The following NSG2 variants were observed in gnomAD, a reference collection of about 807,000 sequenced individuals.
The protein encoded by NSG2 is neuronal vesicle trafficking associated 2, also known as neuronal vesicle trafficking-associated protein 2.
NSG2 carries 4 observed loss-of-function variants against 16.9 expected under a neutral mutation model. The ratio of observed to expected loss-of-function variants is 0.24; its 90% CI spans 0.12 to 0.54. NSG2 has a LOEUF of 0.54. NSG2 is among the 20% of genes least tolerant of loss of function. NSG2 has a pLI of 0.95. For synonymous variants in NSG2, 98 were observed against 88.7 expected (o/e 1.11, Z -0.59); for missense variants, 179 against 221.1 (o/e 0.81, Z 1.21).
chr5:174,108,906 A>C lies in NSG2; in HGVS notation c.*1401A>C, dbSNP rs1401251906. 3 of 152,774 alleles carry C rather than the reference A, an allele frequency of 2.0e-5. No individual in the cohort carries two copies. The highest frequency in any genetic ancestry group is 2.9e-5 in the Non-Finnish European group (2 of 68,062). 9.5% of individuals were successfully genotyped at this position (152,774 alleles called of 1,614,324 possible). On this transcript the variant is annotated 3_prime_UTR_variant, in exon 5 of 5. Transcript: ENST00000303177. Reference sequence around the variant, plus strand: ...TGTTGCTGAGATCATCGTATGCAACAGCTGGGTAATAAGACTAGCATAGCT... The same window carrying C: ...TGTTGCTGAGATCATCGTATGCAACCGCTGGGTAATAAGACTAGCATAGCT...
intron 2 of NSG2, among the ~76,000 whole-genome samples, chr5:174,055,098 C>T (rs1434931662): frequency 2.0e-5 from 3 of 152,128 alleles, no homozygotes; most frequent in Non-Finnish European, 4.4e-5. Context: ...ACAGGGCTAC[C>T]CCAGGCAGCA....
intron 3 of NSG2, among the ~76,000 whole-genome samples, chr5:174,070,458 C>A (rs1299180937): frequency 6.6e-6 from 1 of 152,162 alleles, no homozygotes; most frequent in African/African-American, 2.4e-5. Context: ...CTTGATGTCA[C>A]CCTGCCATTG....
chr5:174,069,250 G>T (rs1221893428), intron 3 of NSG2, among the ~76,000 whole-genome samples: 2 of 151,962 alleles, frequency 1.3e-5, no homozygotes, highest in Admixed American at 1.3e-4. Context: ...GGTTACTGGT[G>T]CTCTGAAGGT....
At chr5:174,091,644 GGTGTGTGTGTGT>G (rs35746227) in intron 3 of NSG2, among the ~76,000 whole-genome samples, 114 of 139,700 alleles carry the variant, frequency 8.2e-4, no homozygotes, top group East Asian at 6.6e-3. Flanking sequence ...AACTAGGACT[GGTGTGTGTGTGT>G]GTGTGTGTGT....
intron 3 of NSG2, 28 bp from the exon 4 acceptor site, chr5:174,104,200 T>C: frequency 6.4e-7 from 1 of 1,553,964 alleles, no homozygotes; most frequent in Non-Finnish European, 8.9e-7. Flanking sequence ...AGACTGAGGC[T>C]GGATGACTTA....
At chr5:174,085,105 A>AT (rs567604507) in intron 3 of NSG2, among the ~76,000 whole-genome samples, 36 of 152,368 alleles carry the variant, frequency 2.4e-4, no homozygotes, top group African/African-American at 8.2e-4. Flanking sequence ...GCCTCTGGCT[A>AT]TTTTAGTGGC....
chr5:174,075,545 CTGTT>C lies in NSG2; in HGVS notation c.213+11233_213+11236del, dbSNP rs146135405. On this transcript the variant is annotated intron_variant, in intron 3 of 4. Transcript: ENST00000303177. ...GTCCTCTTTTTTCTCTTTAAATACACTGTTTGGCCGAGTCCTGAAATGTGTTGAT... is the reference window on the plus strand; with the variant it reads ...GTCCTCTTTTTTCTCTTTAAATACACTGGCCGAGTCCTGAAATGTGTTGAT... 6.6e-3 allele frequency among the ~76,000 whole-genome samples: 1,012 copies of C among 152,262 alleles called. 11 individuals are homozygous for C. The highest frequency in any genetic ancestry group is 0.023 in the African/African-American group (975 of 41,532).
intron 3 of NSG2, among the ~76,000 whole-genome samples, chr5:174,090,906 T>C (rs1283761854): frequency 2.0e-5 from 3 of 152,162 alleles, no homozygotes; most frequent in Admixed American, 6.5e-5. Flanking sequence ...CATGGAGTAG[T>C]TTATCTGGCA....
intron 3 of NSG2, among the ~76,000 whole-genome samples, chr5:174,083,682 T>C (rs969611791): frequency 1.3e-5 from 2 of 152,226 alleles, no homozygotes; most frequent in Non-Finnish European, 2.9e-5. Flanking sequence ...TGGTTGCCAA[T>C]GACTTTATAG....
Position 174,108,842 on chromosome 5 carries a change from C to G in NSG2, c.*1337C>G, listed in dbSNP as rs1169398730. On this transcript the variant is annotated 3_prime_UTR_variant, in exon 5 of 5. Coordinates refer to ENST00000303177, the MANE Select transcript of NSG2 (RefSeq NM_015980.5). Reference sequence around the variant, plus strand: ...GTGGTACTGCTTCCTCACAAGTCTCCCACAGGCCATGTAAAGGGTATTTTT... The same window carrying G: ...GTGGTACTGCTTCCTCACAAGTCTCGCACAGGCCATGTAAAGGGTATTTTT... 1 of 152,806 alleles carries G rather than the reference C, an allele frequency of 6.5e-6. No homozygotes were observed. The highest frequency in any genetic ancestry group is 2.4e-5 in the African/African-American group (1 of 41,446). The allele number at this position is 152,806 out of a possible 1,614,324, so 9.5% of individuals were successfully genotyped here. A position where few individuals can be genotyped will look rare whatever the true frequency, so the allele number is the denominator to read the frequency against.
intron 2 of NSG2, among the ~76,000 whole-genome samples, chr5:174,047,370 T>C (rs1346299712): frequency 2.6e-5 from 4 of 152,228 alleles, no homozygotes; most frequent in Non-Finnish European, 5.9e-5. Flanking sequence ...GATTAATTCA[T>C]CCTGGTAAAT....
intron 3 of NSG2, among the ~76,000 whole-genome samples, chr5:174,089,082 G>A (rs886582347): frequency 2.6e-5 from 4 of 152,220 alleles, no homozygotes; most frequent in Non-Finnish European, 4.4e-5. Flanking sequence ...ATACTGACAG[G>A]GATCAGAAAG....
chr5:174,072,795 G>A lies in NSG2; in HGVS notation c.213+8480G>A, dbSNP rs534728822. Among the ~76,000 whole-genome samples, 325 of 152,290 alleles carry A rather than the reference G, an allele frequency of 2.1e-3. No homozygotes were observed. Among genetic ancestry groups the A allele is most frequent in the African/African-American group, 7.6e-3 (314 of 41,566 alleles). Reference sequence around the variant, plus strand: ...ACCCAGGAGTTTGAGACCAGCCTGGGCAACATGGCAAAACCCCATCTCTAC... The same window carrying A: ...ACCCAGGAGTTTGAGACCAGCCTGGACAACATGGCAAAACCCCATCTCTAC... On this transcript the variant is annotated intron_variant, in intron 3 of 4. Coordinates refer to ENST00000303177, the MANE Select transcript of NSG2 (RefSeq NM_015980.5). The surrounding 1 kb of genome is among the most constrained non-coding windows in gnomAD (Gnocchi z 4.0).
chr5:174,064,871 C>G (rs1372938610), intron 3 of NSG2, among the ~76,000 whole-genome samples: 1 of 151,990 alleles, frequency 6.6e-6, no homozygotes, highest in Non-Finnish European at 1.5e-5. Flanking sequence ...AGGGAATGCC[C>G]CGAGGAAGTC....
At chr5:174,053,533 G>A (rs886875324) in intron 2 of NSG2, among the ~76,000 whole-genome samples, 2 of 152,060 alleles carry the variant, frequency 1.3e-5, no homozygotes, top group African/African-American at 2.4e-5. Context: ...CCGAGACACA[G>A]GATATGAGAA....
rs966585012 is a variant in NSG2, at chr5:174,046,662, A to G, written c.-22-72A>G. On this transcript the variant is annotated intron_variant, in intron 1 of 4. Coordinates refer to ENST00000303177, the MANE Select transcript of NSG2 (RefSeq NM_015980.5). ...GAGTGGAGCTGTTGAGGACAGTGCT[A>G]TTTTCTCTGTCGTCAGCCCTCTCTT... The G allele has an allele frequency of 3.5e-6, 5 of 1,445,648 alleles. No individual in the cohort carries two copies. In the Admixed American group the frequency reaches 5.3e-5, roughly 15 times the overall value. The allele number at this position is 1,445,648 out of a possible 1,614,324, so 89.6% of individuals were successfully genotyped here.
At chr5:174,079,535 C>T (rs189291695) in intron 3 of NSG2, among the ~76,000 whole-genome samples, 3 of 152,254 alleles carry the variant, frequency 2.0e-5, no homozygotes, top group East Asian at 3.9e-4. Flanking sequence ...GGATTACAGG[C>T]GTGAGCCACC....
chr5:174,092,918 C>A (rs1027120272), intron 3 of NSG2, among the ~76,000 whole-genome samples: 4 of 152,118 alleles, frequency 2.6e-5, no homozygotes, highest in African/African-American at 7.2e-5. Context: ...GAACAAGAAG[C>A]AAGCCTGTAA....
intron 2 of NSG2, among the ~76,000 whole-genome samples, chr5:174,063,901 T>C (rs1333646260): frequency 6.6e-6 from 1 of 152,206 alleles, no homozygotes; most frequent in Non-Finnish European, 1.5e-5. Flanking sequence ...AAATATAGTG[T>C]TGTGTGATAA....
Sources: gnomAD v4.1 joint callset for allele counts (sites outside exome capture counted in the v4.1 genomes callset) on GRCh38, gnomAD v4.1.1 for gene constraint, Gnocchi (gnomAD v3.1) non-coding constraint, MANE v1.5 for transcripts, NCBI Gene and HGNC (gene_info 2026-07-23, HGNC 2026-07-21) for gene names.